The following MGAT4C variants were observed in gnomAD, a reference collection of about 807,000 sequenced individuals.
MGAT4C encodes the protein MGAT4 family member C, also known as alpha-1,3-mannosyl-glycoprotein 4-beta-N-acetylglucosaminyltransferase C.
MGAT4C carries 19 observed loss-of-function variants against 40.1 expected under a neutral mutation model. That is an observed-to-expected ratio of 0.47 (90% confidence interval 0.33 to 0.70). The LOEUF (loss-of-function observed/expected upper bound fraction) is 0.70. Among genes scored for constraint, MGAT4C ranks in the 30% least tolerant of loss-of-function variants. MGAT4C has a pLI of 0.02. For missense variants in MGAT4C, 491 were observed against 563.2 expected (o/e 0.87, Z 1.30); for synonymous variants, 181 against 187.1 (o/e 0.97, Z 0.27).
intron 1 of MGAT4C, among the ~76,000 whole-genome samples, chr12:86,053,190 T>C (rs1893057252): frequency 6.6e-6 from 1 of 151,820 alleles, no homozygotes; most frequent in African/African-American, 2.4e-5. Flanking sequence ...AACATAAATA[T>C]ATACAAGAAG....
chr12:86,699,592 C>A (rs573290537), intron 2 of MGAT4C, among the ~76,000 whole-genome samples: 99 of 151,766 alleles, frequency 6.5e-4, no homozygotes, highest in African/African-American at 2.2e-3. Context: ...CCCAGTGCAG[C>A]CAAAAAAACT....
At chr12:86,551,208 C>G (rs531829834) in intron 2 of MGAT4C, among the ~76,000 whole-genome samples, 5 of 152,322 alleles carry the variant, frequency 3.3e-5, no homozygotes, top group African/African-American at 9.6e-5. Flanking sequence ...AAGAAACAAC[C>G]CTTTAAGGTT....
intron 2 of MGAT4C, among the ~76,000 whole-genome samples, chr12:86,706,827 T>C (rs920956555): frequency 6.6e-6 from 1 of 152,198 alleles, no homozygotes; most frequent in African/African-American, 2.4e-5. Context: ...TGCCCAAATC[T>C]CATCTTGAAT....
intron 2 of MGAT4C, among the ~76,000 whole-genome samples, chr12:86,709,135 A>C (rs1383062658): frequency 2.6e-5 from 4 of 152,126 alleles, no homozygotes; most frequent in African/African-American, 9.7e-5. Flanking sequence ...TCATGGGGAC[A>C]GGTCTTTCCC....
At chr12:86,237,231 A>G (rs1951593627) in intron 1 of MGAT4C, among the ~76,000 whole-genome samples, 1 of 151,672 alleles carries the variant, frequency 6.6e-6, no homozygotes, top group Non-Finnish European at 1.5e-5. Flanking sequence ...AGTTCCGGAT[A>G]TAGATAACCT....
intron 3 of MGAT4C, among the ~76,000 whole-genome samples, chr12:86,380,354 C>T (rs1438249227): frequency 2.0e-5 from 3 of 152,072 alleles, no homozygotes; most frequent in Non-Finnish European, 2.9e-5. Context: ...GACTTATTCT[C>T]TTAATAATCC....
intron 4 of MGAT4C, among the ~76,000 whole-genome samples, chr12:86,314,934 C>T (rs1954165902): frequency 6.6e-6 from 1 of 151,908 alleles, no homozygotes; most frequent in South Asian, 2.1e-4. Flanking sequence ...AAGGAATCTA[C>T]AGACACAACA....
intron 1 of MGAT4C, among the ~76,000 whole-genome samples, chr12:86,129,003 GTT>G (rs1880758574): frequency 1.3e-5 from 2 of 152,018 alleles, no homozygotes; most frequent in South Asian, 4.2e-4. Flanking sequence ...TTACTTCTAG[GTT>G]CTCTATTATG....
At chr12:86,376,360 A>T (rs1955821934) in intron 3 of MGAT4C, among the ~76,000 whole-genome samples, 1 of 152,144 alleles carries the variant, frequency 6.6e-6, no homozygotes, top group Admixed American at 6.5e-5. Context: ...CCTGGGTGAC[A>T]GAATGAGACC....
At chr12:86,592,863 C>A (rs1961385608) in intron 2 of MGAT4C, among the ~76,000 whole-genome samples, 1 of 152,142 alleles carries the variant, frequency 6.6e-6, no homozygotes. Context: ...CCTAGCCAAA[C>A]CCTTAATGAT....
intron 1 of MGAT4C, among the ~76,000 whole-genome samples, chr12:86,067,654 T>C (rs1894684304): frequency 6.6e-6 from 1 of 152,086 alleles, no homozygotes; most frequent in Non-Finnish European, 1.5e-5. Context: ...CTTGTATACC[T>C]ATGTAACAAA....
At position 85,980,285 on chromosome 12, in the gene MGAT4C, G is replaced by A; in HGVS notation, c.441C>T (p.Ser147=). The A allele has an allele frequency of 6.2e-7, 1 of 1,613,952 alleles. No individual in the cohort carries two copies. The change falls in exon 5 of 5, where the codon TCC becomes TCT. Residue 147 remains serine (S), a synonymous_variant. Coordinates refer to ENST00000611864, the MANE Select transcript of MGAT4C (RefSeq NM_001351288.2). ...TATCCTGGACCATGGCATCACGCCA[G>A]GAAGAATTAAAGTCTGCTAGGTGAA... is the stretch of plus-strand genomic sequence containing the variant. ...VVVHLADFNS[S]WRDAMVQDIT...
At chr12:86,653,526 T>A (rs566342007) in intron 2 of MGAT4C, among the ~76,000 whole-genome samples, 1 of 152,060 alleles carries the variant, frequency 6.6e-6, no homozygotes, top group South Asian at 2.1e-4. Context: ...GGAGTTTTTT[T>A]AGCTTTAGCC....
intron 2 of MGAT4C, among the ~76,000 whole-genome samples, chr12:86,541,365 A>T (rs1959166825): frequency 6.6e-6 from 1 of 152,218 alleles, no homozygotes; most frequent in South Asian, 2.1e-4. Context: ...GTGGACTACG[A>T]TCTGTTGAAA....
At chr12:86,671,579 C>A (rs756001184) in intron 2 of MGAT4C, among the ~76,000 whole-genome samples, 10 of 152,026 alleles carry the variant, frequency 6.6e-5, no homozygotes, top group Non-Finnish European at 1.3e-4. Flanking sequence ...ATAAAGATAC[C>A]CATAGACTGA....
chr12:86,226,371 T>C (rs1593285410), intron 1 of MGAT4C, among the ~76,000 whole-genome samples: 2 of 151,932 alleles, frequency 1.3e-5, no homozygotes, highest in Admixed American at 6.6e-5. Context: ...GTGTATGAAA[T>C]TGAGTACCTG....
At chr12:86,441,852 G>A (rs542591130) in intron 2 of MGAT4C, among the ~76,000 whole-genome samples, 1 of 152,186 alleles carries the variant, frequency 6.6e-6, no homozygotes, top group African/African-American at 2.4e-5. Flanking sequence ...AATCCTTTGG[G>A]TATATACCCA....
chr12:86,337,814 T>C (rs1954821815), intron 3 of MGAT4C, among the ~76,000 whole-genome samples: 1 of 152,188 alleles, frequency 6.6e-6, no homozygotes, highest in Non-Finnish European at 1.5e-5. Flanking sequence ...TAATTATTAA[T>C]AGCAGAGCCT....
intron 1 of MGAT4C, among the ~76,000 whole-genome samples, chr12:86,817,282 ATTGT>A (rs1335629032): frequency 2.6e-5 from 4 of 151,396 alleles, no homozygotes; most frequent in East Asian, 1.9e-4. Flanking sequence ...GAATATTTAA[ATTGT>A]TTATTATTTT....
Sources: allele counts gnomAD v4.1 joint callset (sites outside exome capture counted in the v4.1 genomes callset), GRCh38; gene constraint gnomAD v4.1.1; transcripts MANE v1.5; gene names NCBI Gene and HGNC (gene_info 2026-07-23, HGNC 2026-07-21).